Variants in TMEM51 observed in about 807,000 individuals in gnomAD.
TMEM51 encodes transmembrane protein 51, also known as chromosome 1 open reading frame 72.
TMEM51 carries 8 observed loss-of-function variants against 13.6 expected under a neutral mutation model. The observed-to-expected ratio is 0.59, with a 90% CI of 0.35 to 1.07. TMEM51 has a LOEUF of 1.07. Among genes scored for constraint, TMEM51 ranks in the 50% least tolerant of loss-of-function variants. The pLI is 0.02. For synonymous variants in TMEM51, 147 were observed against 144.4 expected, an observed-to-expected ratio of 1.02 and a Z score of -0.13; for missense variants, 279 against 330.7, an observed-to-expected ratio of 0.84 and a Z score of 1.21.
intron 1 of TMEM51, among the ~76,000 whole-genome samples, chr1:15,198,996 C>G (rs956432225): frequency 7.2e-5 from 11 of 152,194 alleles, no homozygotes; most frequent in Non-Finnish European, 1.2e-4. Context: ...AAGATGTGCC[C>G]ACTGAGCCCT....
Position 15,215,077 on chromosome 1 carries a change from C to T in TMEM51, c.-11C>T. ...TTTCTTGGAACTGGGCCTCGCCCTCCTCCCACTGACATGATGGCCCAGTCC... is the reference window on the plus strand; with the variant it reads ...TTTCTTGGAACTGGGCCTCGCCCTCTTCCCACTGACATGATGGCCCAGTCC... On this transcript the variant is annotated 5_prime_UTR_variant, in exon 3 of 4. Transcript: ENST00000376008. 1.9e-6 allele frequency: 3 copies of T among 1,596,070 alleles called. No homozygotes were observed. Among genetic ancestry groups the T allele is most frequent in the South Asian group, 1.1e-5 (1 of 90,422 alleles).
intron 1 of TMEM51, among the ~76,000 whole-genome samples, chr1:15,206,021 G>A (rs1162586784): frequency 1.3e-5 from 2 of 152,144 alleles, no homozygotes; most frequent in East Asian, 3.8e-4. Flanking sequence ...CAGATTGCTT[G>A]AGCCCAGGAA....
chr1:15,171,405 C>T, intron 1 of TMEM51: 1 of 1,149,442 alleles, frequency 8.7e-7, no homozygotes, highest in Admixed American at 2.8e-5. Context: ...TGCCGGGGAC[C>T]AGGGGCATCG....
chr1:15,168,890 G>T, intron 1 of TMEM51: 1 of 1,156,736 alleles, frequency 8.6e-7, no homozygotes, highest in Non-Finnish European at 1.1e-6. Flanking sequence ...TCAATATCTG[G>T]AGTTGGAGTG....
intron 1 of TMEM51, chr1:15,168,748 C>T: frequency 2.3e-6 from 3 of 1,304,350 alleles, no homozygotes; most frequent in Non-Finnish European, 3.0e-6. Flanking sequence ...AAGGAGCAGA[C>T]AAACTTGCTT....
intron 1 of TMEM51, among the ~76,000 whole-genome samples, chr1:15,193,206 G>T (rs1030975930): frequency 2.0e-5 from 3 of 152,230 alleles, no homozygotes; most frequent in Non-Finnish European, 4.4e-5. Flanking sequence ...CATTCCAGGT[G>T]ACCCATGGAG....
At chr1:15,178,108 G>T (rs1446644756) in intron 1 of TMEM51, among the ~76,000 whole-genome samples, 1 of 145,686 alleles carries the variant, frequency 6.9e-6, no homozygotes, top group South Asian at 2.2e-4. Context: ...TTAGCACTTA[G>T]CTGAGTTGAC....
At chr1:15,200,917 C>T (rs1382703322) in intron 1 of TMEM51, among the ~76,000 whole-genome samples, 1 of 151,954 alleles carries the variant, frequency 6.6e-6, no homozygotes, top group African/African-American at 2.4e-5. Flanking sequence ...TTCTGTCAGC[C>T]GCAGCACAGG....
At chr1:15,171,425 C>T (rs760093865) in intron 1 of TMEM51, 2 of 987,008 alleles carry the variant, frequency 2.0e-6, no homozygotes, top group Non-Finnish European at 2.7e-6. Flanking sequence ...GCCACCTGGC[C>T]CTGGGTACAC....
chr1:15,201,386 A>T (rs933433895), intron 1 of TMEM51, among the ~76,000 whole-genome samples: 1 of 151,402 alleles, frequency 6.6e-6, no homozygotes, highest in African/African-American at 2.4e-5. Context: ...AAGTAAATAT[A>T]TAATGAGTAT....
intron 1 of TMEM51, among the ~76,000 whole-genome samples, chr1:15,178,206 C>A (rs772887757): frequency 1.6e-4 from 18 of 115,360 alleles, no homozygotes; most frequent in Non-Finnish European, 2.9e-4. Context: ...AAGAGGGATT[C>A]CCTGGGGCAG....
chr1:15,186,682 C>T (rs190548612), intron 1 of TMEM51, among the ~76,000 whole-genome samples: 130 of 152,230 alleles, frequency 8.5e-4, no homozygotes, highest in African/African-American at 2.9e-3. Context: ...ACTAGGACCA[C>T]GAAGAGCCTT....
chr1:15,172,271 C>T (rs1643303275), intron 1 of TMEM51, among the ~76,000 whole-genome samples: 1 of 151,438 alleles, frequency 6.6e-6, no homozygotes. Flanking sequence ...GTAGTCCCAG[C>T]TACTTGGAAG....
intron 1 of TMEM51, chr1:15,192,581 G>A (rs1273957237): frequency 5.4e-6 from 1 of 186,770 alleles, no homozygotes; most frequent in Non-Finnish European, 1.1e-5. Context: ...AGCCTCCCGA[G>A]TAGCTGGAAT....
chr1:15,164,697 A>T (rs956594027), intron 1 of TMEM51, among the ~76,000 whole-genome samples: 2 of 152,072 alleles, frequency 1.3e-5, no homozygotes, highest in Non-Finnish European at 2.9e-5. Context: ...CCTAAAATTT[A>T]AAAACTTTGA....
chr1:15,219,631 G>C lies in TMEM51; in HGVS notation c.650G>C (p.Arg217Thr), dbSNP rs1415949448. 1.2e-6 allele frequency: 2 copies of C among 1,613,954 alleles called. No homozygotes were observed. Among genetic ancestry groups the C allele is most frequent in the African/African-American group, 2.7e-5 (2 of 74,924 alleles). ...GAAAAGCTTCACCTCAAAGACTTTA[G>C]GATCAACCTCCCAGACAAAAACGTC... ...KSEKLHLKDF[R>T]INLPDKNVPP... Residue 217 changes from arginine (R) to threonine (T), a missense_variant, in exon 4 of 4, where the codon AGG (arginine) becomes ACG (threonine). Arg to Thr is a moderately conservative substitution (Grantham distance 71). Transcript: ENST00000376008.
At chr1:15,168,921 A>T (rs1404293318) in intron 1 of TMEM51, 8 of 1,016,312 alleles carry the variant, frequency 7.9e-6, no homozygotes, top group African/African-American at 1.7e-5. Context: ...AAGCTTTCCC[A>T]TCACTCTTAA....
intron 1 of TMEM51, among the ~76,000 whole-genome samples, chr1:15,170,894 A>T (rs568334620): frequency 6.6e-6 from 1 of 151,890 alleles, no homozygotes; most frequent in African/African-American, 2.4e-5. Flanking sequence ...ACGCCTGGCT[A>T]ATTTTTTGTA....
chr1:15,217,985 C>G (rs1644455776), intron 3 of TMEM51, among the ~76,000 whole-genome samples: 1 of 152,178 alleles, frequency 6.6e-6, no homozygotes, highest in Non-Finnish European at 1.5e-5. Context: ...CATTCCCCAC[C>G]CTAGCTGTGA....
Sources: allele counts gnomAD v4.1 joint callset (sites outside exome capture counted in the v4.1 genomes callset), GRCh38; gene constraint gnomAD v4.1.1; transcripts MANE v1.5; gene names NCBI Gene and HGNC (gene_info 2026-07-23, HGNC 2026-07-21).